The following NAALADL2 variants were observed in gnomAD, a reference collection of about 807,000 sequenced individuals.
NAALADL2 encodes N-acetylated alpha-linked acidic dipeptidase like 2, also known as inactive N-acetylated-alpha-linked acidic dipeptidase-like protein 2.
A neutral mutation model predicts 87.2 loss-of-function variants in NAALADL2; 76 were observed. The observed-to-expected ratio is 0.87, with a 90% CI of 0.72 to 1.05. NAALADL2 has a LOEUF of 1.05. Ranked by LOEUF, NAALADL2 falls within the 50% of genes least tolerant of loss-of-function variation. NAALADL2 has a pLI of 0.00. For missense variants in NAALADL2, 1,089 were observed against 945.8 expected (o/e 1.15, Z -1.99); for synonymous variants, 354 against 331.0 (o/e 1.07, Z -0.75).
At chr3:174,936,026 G>A (rs1344619987) in intron 1 of NAALADL2, among the ~76,000 whole-genome samples, 1 of 152,104 alleles carries the variant, frequency 6.6e-6, no homozygotes, top group Non-Finnish European at 1.5e-5. Flanking sequence ...GATGTTGCAT[G>A]ACAGAATGTT....
At chr3:174,779,429 A>T (rs888874819) in intron 3 of NAALADL2, among the ~76,000 whole-genome samples, 1 of 152,114 alleles carries the variant, frequency 6.6e-6, no homozygotes, top group East Asian at 1.9e-4. Context: ...TAGATTGCCT[A>T]TTCACTCTGA....
intron 6 of NAALADL2, chr3:175,460,243 T>C: frequency 2.2e-6 from 1 of 453,340 alleles, no homozygotes; most frequent in South Asian, 1.6e-5. Context: ...AATGTGATCA[T>C]GGTGCTGACT....
chr3:175,784,311 C>T lies in NAALADL2; in HGVS notation c.2190-18694C>T, dbSNP rs969618471. Among the ~76,000 whole-genome samples the T allele has an allele frequency of 1.7e-3, 253 of 152,158 alleles. 2 individuals are homozygous for T. The highest frequency in any genetic ancestry group is 6.0e-3 in the African/African-American group (249 of 41,480). ...TCCTCCTTGTACCTCTGATAGAATTCGGCTGTGAATCCATCTGGTCCTGGA... is the reference window on the plus strand; with the variant it reads ...TCCTCCTTGTACCTCTGATAGAATTTGGCTGTGAATCCATCTGGTCCTGGA... On this transcript the variant is annotated intron_variant, in intron 13 of 13. Coordinates refer to ENST00000454872, the MANE Select transcript of NAALADL2 (RefSeq NM_207015.3).
At chr3:174,733,435 A>G (rs1489509404) in intron 2 of NAALADL2, among the ~76,000 whole-genome samples, 1 of 152,234 alleles carries the variant, frequency 6.6e-6, no homozygotes, top group East Asian at 1.9e-4. Context: ...AACTCAATCT[A>G]TATGGTTTGA....
In NAALADL2 at chr3:174,456,580, T is replaced by C. The variant is rs183688019; in HGVS notation, c.-184+15548T>C. On this transcript the variant is annotated intron_variant, in intron 1 of 3. Transcript: ENST00000434257. ...AGGCCACATACCTACAATCACCTGATCTTCAACAAACCTGACAAAGATAAG... is the reference window on the plus strand; with the variant it reads ...AGGCCACATACCTACAATCACCTGACCTTCAACAAACCTGACAAAGATAAG... Among the ~76,000 whole-genome samples the C allele has an allele frequency of 2.9e-4, 44 of 152,078 alleles. 1 individual carries two copies. Among genetic ancestry groups the C allele is most frequent in the African/African-American group, 9.4e-4 (39 of 41,484 alleles).
At chr3:174,586,090 C>T (rs1273420220) in intron 2 of NAALADL2, among the ~76,000 whole-genome samples, 5 of 152,080 alleles carry the variant, frequency 3.3e-5, no homozygotes, top group African/African-American at 4.8e-5. Context: ...AACAAATATA[C>T]GGTTAACAAA....
At chr3:174,494,650 A>T (rs1479148751) in intron 1 of NAALADL2, among the ~76,000 whole-genome samples, 4 of 151,800 alleles carry the variant, frequency 2.6e-5, no homozygotes, top group Non-Finnish European at 5.9e-5. Context: ...GGGAGTTTTT[A>T]GTTCAGGCAG....
At chr3:175,133,478 G>T (rs938700058) in intron 2 of NAALADL2, among the ~76,000 whole-genome samples, 2 of 152,226 alleles carry the variant, frequency 1.3e-5, no homozygotes, top group Admixed American at 1.3e-4. Flanking sequence ...CCGGCACCTT[G>T]GGATGCCGAG....
At chr3:175,702,137 G>A (rs1326984068) in intron 11 of NAALADL2, among the ~76,000 whole-genome samples, 3 of 151,966 alleles carry the variant, frequency 2.0e-5, no homozygotes, top group South Asian at 2.1e-4. Flanking sequence ...AACACATGGC[G>A]TTATAAAATG....
intron 5 of NAALADL2, among the ~76,000 whole-genome samples, chr3:175,420,218 C>T (rs1237694902): frequency 1.3e-5 from 2 of 151,908 alleles, no homozygotes; most frequent in East Asian, 1.9e-4. Context: ...TTGAATGATT[C>T]TTGTCTCTTC....
At chr3:175,288,694 C>A (rs1208599119) in intron 4 of NAALADL2, among the ~76,000 whole-genome samples, 1 of 152,146 alleles carries the variant, frequency 6.6e-6, no homozygotes, top group South Asian at 2.1e-4. Context: ...CTGACTTGTC[C>A]GTTCCATGGG....
intron 5 of NAALADL2, among the ~76,000 whole-genome samples, chr3:175,351,260 T>G (rs1340891648): frequency 2.0e-5 from 3 of 152,120 alleles, no homozygotes; most frequent in African/African-American, 7.2e-5. Context: ...AGCTGTGCAT[T>G]TCTCAATAAA....
At position 175,778,758 on chromosome 3, in the gene NAALADL2, T is replaced by A. The variant is rs973474050; in HGVS notation, c.2189+23340T>A. 6.6e-5 allele frequency among the ~76,000 whole-genome samples: 10 copies of A among 152,274 alleles called. No individual in the cohort carries two copies. In the South Asian group the frequency reaches 8.3e-4, roughly 13 times the overall value. The stretch of plus-strand genomic sequence containing the variant: ...GAGTTTCAGAGTTAAATAACTTTAA[T>A]GTGCTCTAGATCATGGAGAGAGAGA... On this transcript the variant is annotated intron_variant, in intron 13 of 13. Transcript: ENST00000454872.
At chr3:175,099,419 T>G (rs1721739332) in intron 2 of NAALADL2, among the ~76,000 whole-genome samples, 1 of 152,214 alleles carries the variant, frequency 6.6e-6, no homozygotes, top group Non-Finnish European at 1.5e-5. Context: ...TAGCCATATT[T>G]GTTTTCTTTA....
chr3:174,836,643 A>G (rs1723360770), intron 3 of NAALADL2, among the ~76,000 whole-genome samples: 1 of 136,106 alleles, frequency 7.3e-6, no homozygotes, highest in South Asian at 2.4e-4. Flanking sequence ...CGGGAGGCGG[A>G]GCTTGCAGTG....
intron 6 of NAALADL2, among the ~76,000 whole-genome samples, chr3:175,450,213 T>C (rs1485027008): frequency 6.6e-6 from 1 of 152,150 alleles, no homozygotes; most frequent in East Asian, 1.9e-4. Context: ...ATAAAATGCA[T>C]TAATTATTCA....
chr3:175,208,935 A>T (rs1274244240), intron 2 of NAALADL2, among the ~76,000 whole-genome samples: 1 of 152,170 alleles, frequency 6.6e-6, no homozygotes, highest in Non-Finnish European at 1.5e-5. Flanking sequence ...TCAGTTATAG[A>T]TAATTTGTAA....
In NAALADL2 at chr3:175,780,002, C is replaced by T. The variant is rs138086836; in HGVS notation, c.2190-23003C>T. On this transcript the variant is annotated intron_variant, in intron 13 of 13. Transcript: ENST00000454872. ...AAATAGTCAGGGCCGGGCGCGGTGG[C>T]TCACGCCTGTAATCCCAGCACTCTG... is the stretch of plus-strand genomic sequence containing the variant. Among the ~76,000 whole-genome samples, 273 of 152,022 alleles carry T rather than the reference C, an allele frequency of 1.8e-3. 2 individuals carry two copies. Among genetic ancestry groups the T allele is most frequent in the African/African-American group, 6.2e-3 (257 of 41,458 alleles).
At chr3:175,246,598 G>A (rs1055033619) in intron 3 of NAALADL2, among the ~76,000 whole-genome samples, 1 of 152,124 alleles carries the variant, frequency 6.6e-6, no homozygotes, top group Admixed American at 6.5e-5. Flanking sequence ...ACCCACAGGT[G>A]GACTGTACCG....
Sources: allele counts gnomAD v4.1 joint callset (sites outside exome capture counted in the v4.1 genomes callset), GRCh38; gene constraint gnomAD v4.1.1; transcripts MANE v1.5; gene names NCBI Gene and HGNC (gene_info 2026-07-23, HGNC 2026-07-21).